The following CLDN16 variants were observed in gnomAD, a reference collection of about 807,000 sequenced individuals.
CLDN16 encodes the protein claudin 16, also known as claudin-16.
A neutral mutation model predicts 24.6 loss-of-function variants in CLDN16; 13 were observed. The ratio of observed to expected loss-of-function variants is 0.53; its 90% CI spans 0.34 to 0.84. The LOEUF (loss-of-function observed/expected upper bound fraction) is 0.84. CLDN16 is among the 40% of genes least tolerant of loss of function. The pLI is 0.01. For missense variants in CLDN16, 298 were observed against 292.7 expected (o/e 1.02, Z -0.13); for synonymous variants, 116 against 106.7 (o/e 1.09, Z -0.54).
the CLDN16 span, chr3:190,307,256 C>T: frequency 1.3e-5 from 2 of 152,196 alleles, no homozygotes; most frequent in Non-Finnish European, 2.9e-5. Context: ...CAGACCACAC[C>T]TTATTAGGAA....
intron 3 of CLDN16, 68 bp downstream of exon 3, chr3:190,404,994 A>G: frequency 6.7e-7 from 1 of 1,498,334 alleles, no homozygotes; most frequent in African/African-American, 1.4e-5. Flanking sequence ...TGAAGGAGAG[A>G]GTTGTGCTGA....
the CLDN16 span, chr3:190,313,183 T>C: frequency 1.2e-6 from 1 of 831,976 alleles, no homozygotes; most frequent in Non-Finnish European, 1.9e-6. Context: ...ATGTTTCCGC[T>C]GGTAACCCAA....
rs150276956 is a variant in CLDN16, at chr3:190,405,025, T to C, written c.382+99T>C. 130 of 1,208,334 alleles carry C rather than the reference T, an allele frequency of 1.1e-4. No homozygotes were observed. The East Asian group carries it at 2.9e-3, about 27-fold the overall frequency. 74.9% of individuals were successfully genotyped at this position (1,208,334 alleles called of 1,614,324 possible). A position where few individuals can be genotyped will look rare whatever the true frequency, so the allele number is the denominator to read the frequency against. The stretch of plus-strand genomic sequence containing the variant: ...GCTGAAGCTGCTCATTTTCGGATTA[T>C]ATGTGGCTTCCCTTTCTAGATTGAA... On this transcript the variant is annotated intron_variant, in intron 3 of 4. Coordinates refer to ENST00000264734, the MANE Select transcript of CLDN16 (RefSeq NM_006580.4).
chr3:190,320,145 A>G (rs1205258522), upstream of CLDN16, among the ~76,000 whole-genome samples: 1 of 152,260 alleles, frequency 6.6e-6, no homozygotes, highest in East Asian at 1.9e-4. Context: ...AAAAAATGAA[A>G]GTAAAACATT....
At chr3:190,356,746 C>A (rs1168049219) in intron 1 of CLDN16, among the ~76,000 whole-genome samples, 1 of 151,686 alleles carries the variant, frequency 6.6e-6, no homozygotes, top group Non-Finnish European at 1.5e-5. Context: ...ATAAATATTC[C>A]ATGCTATAAA....
the CLDN16 span, among the ~76,000 whole-genome samples, chr3:190,304,306 C>T: frequency 6.6e-6 from 1 of 152,154 alleles, no homozygotes; most frequent in African/African-American, 2.4e-5. Context: ...TTCAAGTTTA[C>T]TTCTCTTTCC....
intron 4 of CLDN16, among the ~76,000 whole-genome samples, chr3:190,408,773 T>C (rs2108520106): frequency 6.7e-6 from 1 of 148,872 alleles, no homozygotes; most frequent in African/African-American, 2.5e-5. Flanking sequence ...ATTACAATTA[T>C]ACATATATAC....
At chr3:190,400,033 C>G (rs187002652) in intron 1 of CLDN16, among the ~76,000 whole-genome samples, 1 of 152,178 alleles carries the variant, frequency 6.6e-6, no homozygotes, top group Non-Finnish European at 1.5e-5. Flanking sequence ...CCCCAACCCC[C>G]TACCCACTGG....
intron 1 of CLDN16, among the ~76,000 whole-genome samples, chr3:190,396,653 G>C (rs1307678499): frequency 6.6e-6 from 1 of 152,132 alleles, no homozygotes; most frequent in Non-Finnish European, 1.5e-5. Context: ...AATAAATATA[G>C]TTTGAAGAAT....
chr3:190,303,799 G>T, the CLDN16 span, among the ~76,000 whole-genome samples: 169 of 152,194 alleles, frequency 1.1e-3, no homozygotes, highest in South Asian at 0.015. Context: ...AAAAATAATA[G>T]AGAAAGGCAA....
chr3:190,316,979 T>A, the CLDN16 span, among the ~76,000 whole-genome samples: 1 of 152,204 alleles, frequency 6.6e-6, no homozygotes, highest in African/African-American at 2.4e-5. Flanking sequence ...GATCTATTTT[T>A]TAAAGTATGT....
intron 1 of CLDN16, among the ~76,000 whole-genome samples, chr3:190,351,460 G>A (rs952866876): frequency 6.6e-6 from 1 of 151,984 alleles, no homozygotes; most frequent in Non-Finnish European, 1.5e-5. Flanking sequence ...TAACACAATA[G>A]CCTCTCTGAG....
At chr3:190,403,897 C>A (rs533194132) in intron 2 of CLDN16, among the ~76,000 whole-genome samples, 9 of 152,038 alleles carry the variant, frequency 5.9e-5, no homozygotes, top group Non-Finnish European at 1.0e-4. Flanking sequence ...GATTTTAATT[C>A]ATAAGCTGAT....
At chr3:190,361,281 C>T (rs749282804) in intron 1 of CLDN16, among the ~76,000 whole-genome samples, 76 of 151,942 alleles carry the variant, frequency 5.0e-4, no homozygotes, top group Non-Finnish European at 8.2e-4. Flanking sequence ...CTCAGTTAGT[C>T]CTTAGTGAAA....
intron 1 of CLDN16, among the ~76,000 whole-genome samples, chr3:190,355,895 T>C (rs960651808): frequency 5.3e-5 from 8 of 149,828 alleles, no homozygotes; most frequent in African/African-American, 2.0e-4. Flanking sequence ...GTTTGTTGGT[T>C]GGTTCTTTTA....
chr3:190,353,908 T>A lies in CLDN16; in HGVS notation n.122-16985T>A, dbSNP rs754490270. Among the ~76,000 whole-genome samples the A allele has an allele frequency of 5.9e-4, 89 of 152,080 alleles. 1 individual carries two copies. Among genetic ancestry groups the A allele is most frequent in the Admixed American group, 3.2e-3 (48 of 15,234 alleles). ...TTGGTGGTTTAAAGGAATGGAAATT[T>A]GTTCGCTCCCAATTCTGAGGGCCAT... On this transcript the variant is annotated intron_variant and non_coding_transcript_variant, in intron 1 of 4. Transcript: ENST00000468220.
chr3:190,348,335 ATG>A (rs57246894), intron 1 of CLDN16, among the ~76,000 whole-genome samples: 3,700 of 138,302 alleles, frequency 0.027, 104 homozygotes, highest in African/African-American at 0.072. Context: ...CAAGACTGCA[ATG>A]TGTGTGTGTG....
chr3:190,371,584 T>A (rs1718143047), intron 2 of CLDN16, among the ~76,000 whole-genome samples: 1 of 152,008 alleles, frequency 6.6e-6, no homozygotes, highest in Non-Finnish European at 1.5e-5. Context: ...AGCCTGTTCC[T>A]TGGTACCCAA....
At chr3:190,352,628 A>G (rs965226419) in intron 1 of CLDN16, among the ~76,000 whole-genome samples, 1 of 152,138 alleles carries the variant, frequency 6.6e-6, no homozygotes, top group African/African-American at 2.4e-5. Flanking sequence ...AAACTGCTGT[A>G]TTTGAATGTG....
Sources: gnomAD v4.1 joint callset for allele counts (sites outside exome capture counted in the v4.1 genomes callset) on GRCh38, gnomAD v4.1.1 for gene constraint, MANE v1.5 for transcripts, NCBI Gene and HGNC (gene_info 2026-07-23, HGNC 2026-07-21) for gene names.